GLT8D1: variants seen among roughly 807,000 people sequenced by gnomAD.
GLT8D1 encodes glycosyltransferase 8 domain-containing protein 1.
A neutral mutation model predicts 46.2 loss-of-function variants in GLT8D1; 41 were observed. The observed-to-expected ratio is 0.89, with a 90% confidence interval of 0.69 to 1.15. The LOEUF is 1.15. Among genes scored for constraint, GLT8D1 ranks in the 50% most tolerant of loss-of-function variants. The pLI, the probability that GLT8D1 is intolerant of heterozygous loss-of-function variation, is 0.00. For synonymous variants in GLT8D1, 150 were observed against 154.2 expected (o/e 0.97, Z 0.20); for missense variants, 408 against 449.3 (o/e 0.91, Z 0.83).
Position 52,696,254 on chromosome 3 carries a change from T to A in GLT8D1, c.512A>T (p.Asp171Val). The change falls in exon 6 of 10, where the codon GAT becomes GTT. Residue 171 changes from aspartate to valine, a missense_variant. Coordinates refer to ENST00000266014, the MANE Select transcript of GLT8D1 (RefSeq NM_018446.4). ...VPSAKKAIYM[D>V]DDVIVQGDIL... ...GATACCTTGCACAATTACATCATCATCCATGTATATGGCCTTCTTTGCGCT... is the reference window on the plus strand; with the variant it reads ...GATACCTTGCACAATTACATCATCAACCATGTATATGGCCTTCTTTGCGCT... 6.2e-7 allele frequency: 1 copy of A among 1,607,818 alleles called. No homozygotes were observed. The highest frequency in any genetic ancestry group is 8.5e-7 in the Non-Finnish European group (1 of 1,174,198).
At chr3:52,697,989 G>T in intron 3 of GLT8D1, 55 bp from the exon 4 acceptor site, 1 of 1,076,068 alleles carries the variant, frequency 9.3e-7, no homozygotes, top group Non-Finnish European at 1.4e-6. Flanking sequence ...TTGATATAGA[G>T]TCCAAGACAT....
At chr3:52,700,103 C>G (rs2097337992) in intron 3 of GLT8D1, among the ~76,000 whole-genome samples, 159 bp downstream of exon 3, 1 of 152,186 alleles carries the variant, frequency 6.6e-6, no homozygotes, top group Non-Finnish European at 1.5e-5. Context: ...AGAGGCTCTC[C>G]TAAGGCCTCT....
At chr3:52,695,902 A>G in intron 7 of GLT8D1, 26 bp downstream of exon 7, 1 of 1,267,528 alleles carries the variant, frequency 7.9e-7, no homozygotes, top group South Asian at 1.2e-5. Context: ...TATTGTAGGA[A>G]GAGGGGTGTT....
intron 1 of GLT8D1, among the ~76,000 whole-genome samples, chr3:52,701,618 C>T (rs1457661867): frequency 8.5e-5 from 13 of 152,288 alleles, no homozygotes. Flanking sequence ...CTGCCCACCT[C>T]AGCCTCCCAA....
At chr3:52,699,228 A>C (rs761412958) in intron 3 of GLT8D1, among the ~76,000 whole-genome samples, 3 of 152,208 alleles carry the variant, frequency 2.0e-5, no homozygotes, top group Non-Finnish European at 2.9e-5. Flanking sequence ...GCCATCATCC[A>C]TAGGCACAGA....
At position 52,694,771 on chromosome 3, in the gene GLT8D1, G is replaced by GCAA. The variant is rs1197918645; in HGVS notation, c.*71_*73dup. ...TGCTACCGATAGGCATTGAAGCCTA[G>GCAA]CAACTGTTACTTCCCACGCATGCTA... On this transcript the variant is annotated 3_prime_UTR_variant, in exon 10 of 10. Transcript: ENST00000266014. 1.9e-6 allele frequency: 2 copies of GCAA among 1,032,384 alleles called. No homozygotes were observed. Among genetic ancestry groups the GCAA allele is most frequent in the African/African-American group, 3.1e-5 (2 of 63,786 alleles). The allele number at this position is 1,032,384 out of a possible 1,614,324, so 64.0% of individuals were successfully genotyped here.
At chr3:52,700,548 T>A in intron 1 of GLT8D1, 52 bp from the exon 2 acceptor site, 6 of 754,022 alleles carry the variant, frequency 8.0e-6, no homozygotes, top group Non-Finnish European at 1.1e-5. Context: ...AGAAGGGACA[T>A]CAAAATGCCC....
At chr3:52,696,899 AT>A (rs2097334282) in intron 4 of GLT8D1, among the ~76,000 whole-genome samples, 1 of 152,242 alleles carries the variant, frequency 6.6e-6, no homozygotes, top group Non-Finnish European at 1.5e-5. Context: ...AATTAAGAAC[AT>A]TTCATCACCA....
At chr3:52,696,834 TA>T (rs2097334207) in intron 4 of GLT8D1, among the ~76,000 whole-genome samples, 175 bp from the exon 5 acceptor site, 1 of 88,620 alleles carries the variant, frequency 1.1e-5, no homozygotes, top group African/African-American at 4.7e-5. Flanking sequence ...CTCCCTGAAT[TA>T]AGATTGTATG....
intron 7 of GLT8D1, 34 bp from the exon 8 acceptor site, chr3:52,695,621 C>T: frequency 7.9e-7 from 1 of 1,271,650 alleles, no homozygotes. Context: ...GTACTTACTG[C>T]TTCAAACAAA....
At chr3:52,697,619 T>A (rs532517769) in intron 4 of GLT8D1, 102 bp downstream of exon 4, 8 of 811,642 alleles carry the variant, frequency 9.9e-6, no homozygotes, top group African/African-American at 1.7e-5. Context: ...CAATTTCAAT[T>A]GTATAAAACA....
At chr3:52,696,932 C>T (rs1436241373) in intron 4 of GLT8D1, among the ~76,000 whole-genome samples, 1 of 152,272 alleles carries the variant, frequency 6.6e-6, no homozygotes, top group Non-Finnish European at 1.5e-5. Flanking sequence ...CAACTCTTAA[C>T]TGTGGTGACC....
At chr3:52,698,725 T>C (rs558304290) in intron 3 of GLT8D1, among the ~76,000 whole-genome samples, 13 of 150,210 alleles carry the variant, frequency 8.7e-5, no homozygotes, top group African/African-American at 2.2e-4. Flanking sequence ...AAAGAAAACA[T>C]AGTGTATCAC....
rs756817900 is a variant in GLT8D1 at position 52,695,908 on chromosome 3, G to A, written c.645+20C>T. On this transcript the variant is annotated intron_variant, in intron 7 of 9. Transcript: ENST00000266014. Reference sequence around the variant, plus strand: ...ATTAAACAATATTGTAGGAAGAGGGGTGTTTGGTAAGCAATTTACCTGGTT... The same window carrying A: ...ATTAAACAATATTGTAGGAAGAGGGATGTTTGGTAAGCAATTTACCTGGTT... 6.0e-6 allele frequency: 8 copies of A among 1,329,792 alleles called. No homozygotes were observed. Among genetic ancestry groups the A allele is most frequent in the Middle Eastern group, 1.8e-4 (1 of 5,588 alleles). 82.4% of individuals were successfully genotyped at this position (1,329,792 alleles called of 1,614,324 possible).
Position 52,695,601 on chromosome 3 carries a change from T to A in GLT8D1, c.646-14A>T. 6.7e-7 allele frequency: 1 copy of A among 1,495,898 alleles called. No homozygotes were observed. The highest frequency in any genetic ancestry group is 9.3e-7 in the Non-Finnish European group (1 of 1,073,732). The allele number at this position is 1,495,898 out of a possible 1,614,324, so 92.7% of individuals were successfully genotyped here. ...AATGTAATTGTACTAAAAACACAAA[T>A]AGGATATATGTACTTACTGCTTCAA... is the stretch of plus-strand genomic sequence containing the variant. On this transcript the variant is annotated splice_polypyrimidine_tract_variant and intron_variant, in intron 7 of 9. Transcript: ENST00000266014.
chr3:52,704,767 T>G (rs1420364032), intron 1 of GLT8D1: 1 of 152,438 alleles, frequency 6.6e-6, no homozygotes, highest in Non-Finnish European at 1.5e-5. Context: ...AAGGTCAAGG[T>G]AGCCTCCTCC....
chr3:52,697,380 C>T (rs952836142), intron 4 of GLT8D1: 10 of 325,938 alleles, frequency 3.1e-5, no homozygotes, highest in Non-Finnish European at 5.9e-5. Context: ...CAGAACTGCT[C>T]CGAGCATGTC....
Position 52,696,245 on chromosome 3 carries a change from ACAT to A in GLT8D1, c.518_520del (p.Asp173del). 6.2e-6 allele frequency: 10 copies of A among 1,604,274 alleles called. No individual in the cohort carries two copies. Among genetic ancestry groups the A allele is most frequent in the Non-Finnish European group, 8.5e-6 (10 of 1,170,976 alleles). ...GACATTTTTGATACCTTGCACAATT[ACAT>A]CATCATCCATGTATATGGCCTTCTT... On this transcript the variant is annotated inframe_deletion, in exon 6 of 10. Transcript: ENST00000266014.
chr3:52,695,927 C>G lies in GLT8D1; in HGVS notation c.645+1G>C. On this transcript the variant is annotated splice_donor_variant, in intron 7 of 9. Coordinates refer to ENST00000266014, the MANE Select transcript of GLT8D1 (RefSeq NM_018446.4). LOFTEE classifies it high-confidence loss of function. ...AGAGGGGTGTTTGGTAAGCAATTTA[C>G]CTGGTTTCCTGCTCCACGGATGACA... 1 of 1,553,708 alleles carries G rather than the reference C, an allele frequency of 6.4e-7. No homozygotes were observed. The highest frequency in any genetic ancestry group is 8.9e-7 in the Non-Finnish European group (1 of 1,125,196).
Sources: gnomAD v4.1 joint callset for allele counts (sites outside exome capture counted in the v4.1 genomes callset) on GRCh38, gnomAD v4.1.1 for gene constraint, MANE v1.5 for transcripts, NCBI Gene and HGNC (gene_info 2026-07-23, HGNC 2026-07-21) for gene names.